PLIN4: variants seen among roughly 807,000 people sequenced by gnomAD.
PLIN4 encodes the protein perilipin 4, also known as perilipin-4.
PLIN4 carries 57 observed loss-of-function variants against 52.4 expected under a neutral mutation model. The observed-to-expected ratio is 1.09, with a 90% CI of 0.88 to 1.36. PLIN4 has a LOEUF of 1.36. Among genes scored for constraint, PLIN4 ranks in the 40% most tolerant of loss-of-function variants. PLIN4 has a pLI of 0.00. For missense variants in PLIN4, 1,757 were observed against 1,770.3 expected (o/e 0.99, Z 0.13); for synonymous variants, 826 against 785.4 (o/e 1.05, Z -0.86).
In PLIN4 at chr19:4,510,915, G is replaced by GC. The variant is rs749737930; in HGVS notation, c.3044dup (p.Leu1016ProfsTer43). On this transcript the variant is annotated frameshift_variant, in exon 5 of 8. Coordinates refer to ENST00000301286, the MANE Select transcript of PLIN4 (RefSeq NM_001367868.2). LOFTEE classifies it high-confidence loss of function. ...TCAGCACTGTCTTGGTGGTGTCCAGGCCCCCCTGGACGGCCCCTTTGGCCA... is the reference window on the plus strand; with the variant it reads ...TCAGCACTGTCTTGGTGGTGTCCAGGCCCCCCCTGGACGGCCCCTTTGGCCA... 1 of 1,613,424 alleles carries GC rather than the reference G, an allele frequency of 6.2e-7. No individual in the cohort carries two copies. Among genetic ancestry groups the GC allele is most frequent in the Non-Finnish European group, 8.5e-7 (1 of 1,179,842 alleles).
In PLIN4 at chr19:4,504,881, C is replaced by T. The variant is rs756100677; in HGVS notation, c.3769G>A (p.Glu1257Lys). The change falls in exon 7 of 8, where the codon GAG (glutamate) becomes AAG (lysine). Residue 1257 changes from glutamate (E) to lysine (K), a missense_variant. Coordinates refer to ENST00000301286, the MANE Select transcript of PLIN4 (RefSeq NM_001367868.2). ...CCCACCTCCTGGACAGCAGCGTCCT[C>T]CGCACTGGCACCTGAGCCCTGGTCC... Reference protein sequence around the residue: ...RLDQGSGASAEDAAVQEERDA... With the variant: ...RLDQGSGASAKDAAVQEERDA... The T allele has an allele frequency of 2.5e-6, 4 of 1,607,336 alleles. No homozygotes were observed. The highest frequency in any genetic ancestry group is 2.5e-6 in the Non-Finnish European group (3 of 1,177,594).
rs1416765601 is a variant in PLIN4, at chr19:4,511,167, G to C, written c.2793C>G (p.Val931=). The C allele has an allele frequency of 1.1e-5, 17 of 1,612,206 alleles. No individual in the cohort carries two copies. The African/African-American group carries it at 1.6e-4, about 15-fold the overall frequency. The change falls in exon 5 of 8, where the codon GTC becomes GTG. Residue 931 remains valine, a synonymous_variant. Transcript: ENST00000301286. ...TTACGGCACCAGTGACTCCACTGCA[G>C]ACGGTGTCCTTGGTACCGGTCAGGA... is the stretch of plus-strand genomic sequence containing the variant. ...KTVLTGTKDT[V]CSGVTGAVNV...
chr19:4,506,241 C>T (rs936197782), intron 6 of PLIN4, among the ~76,000 whole-genome samples: 2 of 152,206 alleles, frequency 1.3e-5, no homozygotes, highest in East Asian at 3.9e-4. Flanking sequence ...ATCCCCTCCT[C>T]ACTCGGCTCC....
Position 4,508,893 on chromosome 19 carries a change from C to A in PLIN4, c.3577G>T (p.Val1193Phe), listed in dbSNP as rs77763884. The change falls in exon 6 of 8, where the codon GTT becomes TTT. Residue 1193 changes from valine to phenylalanine, a missense_variant. Transcript: ENST00000301286. ...CTGGGACCCAGGTCACCTAAACGAACGAAGTAGCTCCCCTGTTCCGCCGAC... is the reference window on the plus strand; with the variant it reads ...CTGGGACCCAGGTCACCTAAACGAAAGAAGTAGCTCCCCTGTTCCGCCGAC... ...VLSAEQGSYF[V>F]RLGDLGPSFR... 1.2e-6 allele frequency: 2 copies of A among 1,613,066 alleles called. No individual in the cohort carries two copies. Among genetic ancestry groups the A allele is most frequent in the South Asian group, 2.2e-5 (2 of 91,052 alleles).
chr19:4,518,228 C>G lies in PLIN4; in HGVS notation c.45G>C (p.Lys15Asn). 1 of 1,233,194 alleles carries G rather than the reference C, an allele frequency of 8.1e-7. No individual in the cohort carries two copies. The highest frequency in any genetic ancestry group is 1.0e-6 in the Non-Finnish European group (1 of 988,824). 76.4% of individuals were successfully genotyped at this position (1,233,194 alleles called of 1,614,324 possible). The change falls in exon 2 of 8, where the codon AAG becomes AAC. Residue 15 changes from lysine to asparagine, a missense_variant. By Grantham distance (94) the Lys-to-Asn change is moderately conservative. This residue lies in a region of PLIN4 where 332 missense variants were observed against 310.8 expected (regional missense o/e 1.07). Coordinates refer to ENST00000301286, the MANE Select transcript of PLIN4 (RefSeq NM_001367868.2). The stretch of plus-strand genomic sequence containing the variant: ...CCCCATTTCCCCTCTTTACCTTGCC[C>G]TTCGGTTTGGGGGGATCCCGTCTCC... ...DEGRRDPPKP[K>N]GKTLGSFFGS...
rs369665013 is a variant in PLIN4, at chr19:4,508,827, G to T, written c.3643C>A (p.Gln1215Lys). ...RAFEHAVSHL[Q>K]HGQFQARDTL... is the part of the protein sequence containing the mutation. ...TCCCTGGCTTGGAACTGGCCGTGCTGCAGGTGGCTCACCGCGTGTTCAAAT... is the reference window on the plus strand; with the variant it reads ...TCCCTGGCTTGGAACTGGCCGTGCTTCAGGTGGCTCACCGCGTGTTCAAAT... The change falls in exon 6 of 8, where the codon CAG becomes AAG. Residue 1215 changes from glutamine to lysine, a missense_variant. Physicochemically the swap from Gln to Lys is moderately conservative, Grantham distance 53. Around this residue, in one of 7 missense-constraint regions of PLIN4, gnomAD observed 712 missense variants for 637.1 expected, o/e 1.12. Transcript: ENST00000301286. 8 of 1,605,610 alleles carry T rather than the reference G, an allele frequency of 5.0e-6. No individual in the cohort carries two copies. In the African/African-American group the frequency reaches 1.1e-4, roughly 21 times the overall value.
intron 5 of PLIN4, 130 bp downstream of exon 5, chr19:4,510,316 A>G (rs1976248938): frequency 9.4e-7 from 1 of 1,067,708 alleles, no homozygotes; most frequent in Non-Finnish European, 1.2e-6. Context: ...CAGTGAACCG[A>G]GATCACGCCA....
At chr19:4,509,093 A>C in intron 5 of PLIN4, 138 bp from the exon 6 acceptor site, 1 of 741,154 alleles carries the variant, frequency 1.3e-6, no homozygotes, top group Non-Finnish European at 2.1e-6. Context: ...GCAGATCACG[A>C]GGTCAGGAGA....
Position 4,508,751 on chromosome 19 carries a change from C to T in PLIN4, c.3702+17G>A, listed in dbSNP as rs1400143324. On this transcript the variant is annotated intron_variant, in intron 6 of 7. Coordinates refer to ENST00000301286, the MANE Select transcript of PLIN4 (RefSeq NM_001367868.2). ...AAGTGCCCTGGGGACGGGGCAGCAG[C>T]AGGGGGAAGCTCTTACCAGCCTGAA... 3 of 1,561,880 alleles carry T rather than the reference C, an allele frequency of 1.9e-6. No individual in the cohort carries two copies. Among genetic ancestry groups the T allele is most frequent in the Non-Finnish European group, 1.7e-6 (2 of 1,153,674 alleles).
intron 6 of PLIN4, 26 bp from the exon 7 acceptor site, chr19:4,504,973 T>C (rs745359686): frequency 1.3e-6 from 2 of 1,575,074 alleles, no homozygotes; most frequent in African/African-American, 1.3e-5. Flanking sequence ...AGTGGGGAAA[T>C]GATGGCTTCT....
Position 4,504,950 on chromosome 19 carries a change from G to A in PLIN4, c.3703-3C>T. Reference sequence around the variant, plus strand: ...GGAGCCTGCTGGGCCTTTTCAATCTGGAGAGAGAGTACAGTGGGGAAATGA... The same window carrying A: ...GGAGCCTGCTGGGCCTTTTCAATCTAGAGAGAGAGTACAGTGGGGAAATGA... On this transcript the variant is annotated splice_polypyrimidine_tract_variant and splice_region_variant and intron_variant, in intron 6 of 7. Coordinates refer to ENST00000301286, the MANE Select transcript of PLIN4 (RefSeq NM_001367868.2). The A allele has an allele frequency of 2.5e-6, 4 of 1,599,784 alleles. No individual in the cohort carries two copies. The highest frequency in any genetic ancestry group is 3.4e-6 in the Non-Finnish European group (4 of 1,174,642).
rs200529034 is a variant in PLIN4, at chr19:4,512,312, C to T, written c.1648G>A (p.Val550Ile). Residue 550 changes from valine to isoleucine, a missense_variant, in exon 5 of 8, where the codon GTC becomes ATC. Val to Ile is a conservative substitution (Grantham distance 29, BLOSUM62 3). Coordinates refer to ENST00000301286, the MANE Select transcript of PLIN4 (RefSeq NM_001367868.2). The stretch of plus-strand genomic sequence containing the variant: ...TTGGTGGTGTCCAGGCCCCCCTGGA[C>T]GGCCCCTTTGGCCACGTTCACAGCA... ...TSAVNVAKGAVQGGLDTTKSV... is the reference protein window; with the variant it reads ...TSAVNVAKGAIQGGLDTTKSV... 4.9e-4 allele frequency: 796 copies of T among 1,609,796 alleles called. 10 individuals carry two copies. The African/African-American group carries it at 5.9e-3, about 12-fold the overall frequency.
chr19:4,505,970 G>A (rs1599735908), intron 6 of PLIN4, among the ~76,000 whole-genome samples: 1 of 151,902 alleles, frequency 6.6e-6, no homozygotes, highest in African/African-American at 2.4e-5. Context: ...CATCGGACCC[G>A]GGCAGCTCTG....
At chr19:4,516,297 G>A (rs993575583) in intron 4 of PLIN4, among the ~76,000 whole-genome samples, 2 of 152,134 alleles carry the variant, frequency 1.3e-5, no homozygotes, top group African/African-American at 2.4e-5. Flanking sequence ...AAAAGTAGAA[G>A]AAATAAAGTG....
rs927984278 is a variant in PLIN4 at position 4,503,549 on chromosome 19, T to G, written c.*910A>C. On this transcript the variant is annotated 3_prime_UTR_variant, in exon 8 of 8. Coordinates refer to ENST00000301286, the MANE Select transcript of PLIN4 (RefSeq NM_001367868.2). ...CTGTGCCATAGGCACGCAGCCTCTG[T>G]GGCTGTTCCCAGCCCTGTCTGATCC... 2 of 152,416 alleles carry G rather than the reference T, an allele frequency of 1.3e-5. No individual in the cohort carries two copies. Among genetic ancestry groups the G allele is most frequent in the African/African-American group, 4.8e-5 (2 of 41,456 alleles). 9.4% of individuals were successfully genotyped at this position (152,416 alleles called of 1,614,324 possible).
In PLIN4 at chr19:4,517,561, C is replaced by T. The variant is rs1976619776; in HGVS notation, c.189G>A (p.Gln63=). Residue 63 remains glutamine (Q), a synonymous_variant, in exon 3 of 8, where the codon CAG becomes CAA. Transcript: ENST00000301286. ...GCTGGGCCAGCCACTCACCCTGAGC[C>T]TGTGGTTGGGCAGCCTCGGCAGCAG... ...GAPAAEAAQP[Q]AQVAAHPEQT... is the part of the protein sequence containing the mutation. The T allele has an allele frequency of 6.2e-7, 1 of 1,609,224 alleles. No homozygotes were observed. The highest frequency in any genetic ancestry group is 1.3e-5 in the African/African-American group (1 of 74,860).
At chr19:4,516,713 G>A (rs1358795956) in intron 3 of PLIN4, 35 bp from the exon 4 acceptor site, 1 of 1,546,868 alleles carries the variant, frequency 6.5e-7, no homozygotes, top group Non-Finnish European at 8.7e-7. Flanking sequence ...GAGAGTGAGG[G>A]ATGCAGTTAG....
Position 4,504,881 on chromosome 19 carries a change from C to A in PLIN4, c.3769G>T (p.Glu1257Ter). ...CCCACCTCCTGGACAGCAGCGTCCT[C>A]CGCACTGGCACCTGAGCCCTGGTCC... ...RLDQGSGASA[E>*]DAAVQEERDA... Residue 1257 changes from glutamate to a stop codon, truncating the protein, a stop_gained, in exon 7 of 8, where the codon GAG becomes TAG. Coordinates refer to ENST00000301286, the MANE Select transcript of PLIN4 (RefSeq NM_001367868.2). LOFTEE classifies it low-confidence loss of function (END_TRUNC). 6.2e-7 allele frequency: 1 copy of A among 1,607,340 alleles called. No homozygotes were observed. Among genetic ancestry groups the A allele is most frequent in the Non-Finnish European group, 8.5e-7 (1 of 1,177,596 alleles).
chr19:4,514,853 G>A (rs1976543950), intron 4 of PLIN4, among the ~76,000 whole-genome samples: 1 of 151,416 alleles, frequency 6.6e-6, no homozygotes. Flanking sequence ...TTTAAGAGCA[G>A]CCTGGGCAAC....
Sources: allele counts gnomAD v4.1 joint callset (sites outside exome capture counted in the v4.1 genomes callset), GRCh38; gene constraint gnomAD v4.1.1; regional missense constraint gnomAD v4.1.1; transcripts MANE v1.5; gene names NCBI Gene and HGNC (gene_info 2026-07-23, HGNC 2026-07-21).